The following KANSL1 variants were observed in gnomAD, a reference collection of about 807,000 sequenced individuals.
KANSL1 encodes KAT8 regulatory NSL complex subunit 1, also known as MLL1/MLL complex subunit KANSL1.
KANSL1 carries 22 observed loss-of-function variants against 103.6 expected under a neutral mutation model. The observed-to-expected ratio is 0.21, with a 90% CI of 0.15 to 0.30. The LOEUF (loss-of-function observed/expected upper bound fraction) is 0.30. Ranked by LOEUF, KANSL1 falls within the 10% of genes least tolerant of loss-of-function variation. The pLI, the probability that KANSL1 is intolerant of heterozygous loss-of-function variation, is 1.00. For missense variants in KANSL1, 1,337 were observed against 1,399.8 expected, an observed-to-expected ratio of 0.96 and a Z score of 0.72; for synonymous variants, 600 against 527.6, an observed-to-expected ratio of 1.14 and a Z score of -1.88.
intron 2 of KANSL1, among the ~76,000 whole-genome samples, chr17:46,130,270 T>C (rs1268394776): frequency 2.7e-5 from 4 of 149,194 alleles, no homozygotes; most frequent in African/African-American, 7.4e-5. Context: ...ATAAATTAAA[T>C]CAAAATTTAA....
At chr17:46,087,776 T>C (rs1409637141) in intron 3 of KANSL1, among the ~76,000 whole-genome samples, 1 of 152,228 alleles carries the variant, frequency 6.6e-6, no homozygotes, top group Non-Finnish European at 1.5e-5. Context: ...CTTTTCTGTA[T>C]ACAATGTTTC....
chr17:46,166,436 C>CG (rs1338754451), intron 2 of KANSL1, among the ~76,000 whole-genome samples: 2 of 151,150 alleles, frequency 1.3e-5, no homozygotes, highest in African/African-American at 2.4e-5. Flanking sequence ...CACTTGAACC[C>CG]GGGAGCCAGA....
chr17:46,049,547 C>T (rs183785778), intron 7 of KANSL1: 9 of 152,230 alleles, frequency 5.9e-5, no homozygotes, highest in Non-Finnish European at 8.8e-5. Flanking sequence ...AACTCCTGAC[C>T]TCAAGTGATC....
chr17:46,158,403 A>T (rs1484287661), intron 2 of KANSL1, among the ~76,000 whole-genome samples: 1 of 148,694 alleles, frequency 6.7e-6, no homozygotes. Context: ...TCAGTCGCCC[A>T]GCTGGAGTGC....
Position 46,171,951 on chromosome 17 carries a change from T to G in KANSL1, c.193A>C (p.Asn65His), listed in dbSNP as rs764918554. The G allele has an allele frequency of 1.2e-6, 2 of 1,614,148 alleles. No homozygotes were observed. The highest frequency in any genetic ancestry group is 4.5e-5 in the East Asian group (2 of 44,896). ...AAEDPSLDFR[N>H]NPTKEDLGKL... ...CCCAAGTCTTCCTTGGTAGGATTAT[T>G]TCGGAAATCTAGGCTGGGATCCTCT... The change falls in exon 2 of 15, where the codon AAT (asparagine) becomes CAT (histidine). Residue 65 changes from asparagine (N) to histidine (H), a missense_variant. Transcript: ENST00000432791.
At chr17:46,204,139 G>A (rs1218035430) in intron 1 of KANSL1, among the ~76,000 whole-genome samples, 3 of 152,118 alleles carry the variant, frequency 2.0e-5, no homozygotes, top group African/African-American at 7.2e-5. Flanking sequence ...AGGCAACATA[G>A]GAAGACCCTA....
At chr17:46,156,230 C>T (rs2045420951) in intron 2 of KANSL1, among the ~76,000 whole-genome samples, 1 of 152,246 alleles carries the variant, frequency 6.6e-6, no homozygotes, top group South Asian at 2.1e-4. Flanking sequence ...GCCTGTAATC[C>T]CAGCCACTTG....
rs1377535849 is a variant in KANSL1 at position 46,031,445 on chromosome 17, T to G, written c.*31A>C. On this transcript the variant is annotated 3_prime_UTR_variant, in exon 15 of 15. Transcript: ENST00000432791. The stretch of plus-strand genomic sequence containing the variant: ...TTTCTGAAGCTTTAATGCCAATAGT[T>G]AGTGAGTCTGTTTAGATGGCTGTCT... The G allele has an allele frequency of 5.2e-6, 8 of 1,547,008 alleles. No homozygotes were observed. Among genetic ancestry groups the G allele is most frequent in the East Asian group, 2.3e-5 (1 of 43,218 alleles).
chr17:46,039,134 C>A lies in KANSL1; in HGVS notation c.2285G>T (p.Arg762Leu), dbSNP rs746084966. 3 of 1,612,340 alleles carry A rather than the reference C, an allele frequency of 1.9e-6. No homozygotes were observed. The highest frequency in any genetic ancestry group is 2.5e-6 in the Non-Finnish European group (3 of 1,179,692). The stretch of plus-strand genomic sequence containing the variant: ...GCGCTCTGCTTTTGGCGCTGTCACT[C>A]GCTCCACCATGGGCACGGCCCCCAC... ...DDVGAVPMVERVTAPKAERLL... is the reference protein window; with the variant it reads ...DDVGAVPMVELVTAPKAERLL... The change falls in exon 9 of 15, where the codon CGA becomes CTA. Residue 762 changes from arginine to leucine, a missense_variant. By Grantham distance (102) the Arg-to-Leu change is moderately radical. Around this residue, in one of 2 missense-constraint regions of KANSL1, gnomAD observed 780 missense variants for 923.4 expected, o/e 0.84. Transcript: ENST00000432791.
intron 2 of KANSL1, among the ~76,000 whole-genome samples, chr17:46,125,436 T>C (rs2043509692): frequency 1.3e-5 from 2 of 152,208 alleles, no homozygotes; most frequent in South Asian, 4.1e-4. Flanking sequence ...TGCAGTACTG[T>C]GGTCATCTGG....
At chr17:46,139,199 C>G (rs528957574) in intron 2 of KANSL1, among the ~76,000 whole-genome samples, 2 of 152,090 alleles carry the variant, frequency 1.3e-5, no homozygotes, top group East Asian at 3.9e-4. Context: ...TACCTCTTAG[C>G]CTTTATTAAA....
chr17:46,081,662 G>A (rs1202596977), intron 4 of KANSL1, among the ~76,000 whole-genome samples: 4 of 152,088 alleles, frequency 2.6e-5, no homozygotes, highest in African/African-American at 7.2e-5. Context: ...ATAAATAAAA[G>A]AACTATAAGG....
chr17:46,107,448 T>A (rs573797173), intron 2 of KANSL1, among the ~76,000 whole-genome samples: 27 of 147,324 alleles, frequency 1.8e-4, no homozygotes, highest in Non-Finnish European at 3.6e-4. Flanking sequence ...ATCACCAGTA[T>A]CCAACAAAGG....
At chr17:46,080,313 A>AAAC (rs1491110503) in intron 4 of KANSL1, among the ~76,000 whole-genome samples, 2 of 31,404 alleles carry the variant, frequency 6.4e-5, no homozygotes, top group African/African-American at 2.3e-4. Flanking sequence ...AGCCTGTCTT[A>AAAC]AAAAAAAAAA....
At chr17:46,187,319 G>T (rs9902029) in intron 1 of KANSL1, among the ~76,000 whole-genome samples, 1 of 152,120 alleles carries the variant, frequency 6.6e-6, no homozygotes, top group African/African-American at 2.4e-5. Flanking sequence ...TTTTAAAAAG[G>T]AATTAAAAGG....
intron 1 of KANSL1, among the ~76,000 whole-genome samples, chr17:46,182,779 T>C (rs977475122): frequency 6.6e-5 from 10 of 152,216 alleles, no homozygotes; most frequent in African/African-American, 2.4e-4. Context: ...CACACAACTA[T>C]GAAGTTGCAG....
intron 1 of KANSL1, among the ~76,000 whole-genome samples, chr17:46,199,995 C>T (rs189674080): frequency 4.6e-4 from 70 of 152,000 alleles, no homozygotes; most frequent in Admixed American, 9.8e-4. Flanking sequence ...GCAGTTTAAG[C>T]AGGATTTTAT....
At position 46,050,629 on chromosome 17, in the gene KANSL1, T is replaced by C. The variant is rs751638845; in HGVS notation, c.1924A>G (p.Asn642Asp). ...TAGTGAATTTCGGGAGGCATGGTGT[T>C]GATGCTGCCTGAACCACACAGTGCG... ...SCALCGSGSI[N>D]TMPPEIHYEA... The change falls in exon 7 of 15, where the codon AAC becomes GAC. Residue 642 changes from asparagine (N) to aspartate (D), a missense_variant. Physicochemically the swap from Asn to Asp is conservative, Grantham distance 23. Around this residue, in one of 2 missense-constraint regions of KANSL1, gnomAD observed 780 missense variants for 923.4 expected, o/e 0.84. Transcript: ENST00000432791. 2 of 1,614,212 alleles carry C rather than the reference T, an allele frequency of 1.2e-6. No homozygotes were observed. Among genetic ancestry groups the C allele is most frequent in the East Asian group, 4.5e-5 (2 of 44,884 alleles).
intron 1 of KANSL1, among the ~76,000 whole-genome samples, chr17:46,179,721 A>G (rs972912678): frequency 3.3e-5 from 5 of 152,248 alleles, no homozygotes; most frequent in Admixed American, 6.5e-5. Context: ...AGGAAATGGC[A>G]TAAGAAAAGG....
Sources: allele counts gnomAD v4.1 joint callset (sites outside exome capture counted in the v4.1 genomes callset), GRCh38; gene constraint gnomAD v4.1.1; regional missense constraint gnomAD v4.1.1; transcripts MANE v1.5; gene names NCBI Gene and HGNC (gene_info 2026-07-23, HGNC 2026-07-21).